SLC9A8: variants seen among roughly 807,000 people sequenced by gnomAD.
The protein encoded by SLC9A8 is solute carrier family 9 member A8.
In SLC9A8, 48 loss-of-function variants were observed where a neutral mutation model predicts 66.6. The observed-to-expected ratio is 0.72, with a 90% CI of 0.57 to 0.92. SLC9A8 has a LOEUF of 0.92. Ranked by LOEUF, SLC9A8 falls within the 40% of genes least tolerant of loss-of-function variation. The pLI is 0.00. For synonymous variants in SLC9A8, 274 were observed against 282.6 expected (o/e 0.97, Z 0.31); for missense variants, 599 against 747.3 (o/e 0.80, Z 2.31).
chr20:49,830,236 G>C (rs1440674101), intron 3 of SLC9A8: 1 of 919,066 alleles, frequency 1.1e-6, no homozygotes, highest in Non-Finnish European at 1.8e-6. Context: ...AAAAAGATGG[G>C]ATTTGGGGGC....
At position 49,821,879 on chromosome 20, in the gene SLC9A8, C is replaced by A. The variant is rs6067238; in HGVS notation, c.209-1182C>A. Among the ~76,000 whole-genome samples, 7 of 152,032 alleles carry A rather than the reference C, an allele frequency of 4.6e-5. No individual in the cohort carries two copies. In the East Asian group the frequency reaches 1.4e-3, roughly 29 times the overall value. On this transcript the variant is annotated intron_variant, in intron 2 of 15. Transcript: ENST00000361573. ...TCTGTGAGGAAAGTTAGACATTATT[C>A]TGTTTTGGAGATTGAGGAATGAAGG...
chr20:49,831,427 CTCTCTG>C (rs1238412718), intron 3 of SLC9A8, among the ~76,000 whole-genome samples: 183 of 145,114 alleles, frequency 1.3e-3, no homozygotes, highest in Non-Finnish European at 1.5e-3. Flanking sequence ...CTCTCTCTCT[CTCTCTG>C]TCTCTCTCTC....
At chr20:49,864,935 C>G (rs1018307732) in intron 10 of SLC9A8, 91 bp downstream of exon 10, 38 of 819,420 alleles carry the variant, frequency 4.6e-5, no homozygotes, top group Non-Finnish European at 7.7e-5. Flanking sequence ...CTTTTAGTCA[C>G]AAGAGACAGT....
intron 3 of SLC9A8, among the ~76,000 whole-genome samples, chr20:49,837,690 C>G (rs1001730031): frequency 2.4e-4 from 37 of 152,114 alleles, no homozygotes; most frequent in African/African-American, 8.7e-4. Context: ...CTGCCTCAGC[C>G]TCCTGAATAG....
intron 11 of SLC9A8, among the ~76,000 whole-genome samples, chr20:49,875,624 A>T (rs2089395241): frequency 6.6e-6 from 1 of 152,076 alleles, no homozygotes; most frequent in Non-Finnish European, 1.5e-5. Context: ...CCAACTTTAT[A>T]CTTGGAAGTG....
Position 49,849,608 on chromosome 20 carries a change from C to T in SLC9A8, c.462C>T (p.Ile154=), listed in dbSNP as rs1298123569. 4 of 1,613,692 alleles carry T rather than the reference C, an allele frequency of 2.5e-6. No homozygotes were observed. The highest frequency in any genetic ancestry group is 1.1e-5 in the South Asian group (1 of 91,072). Residue 154 remains isoleucine, a synonymous_variant, in exon 6 of 16, where the codon ATC becomes ATT. Coordinates refer to ENST00000361573, the MANE Select transcript of SLC9A8 (RefSeq NM_015266.3). ...KGNFFQNIGS[I]TLFAVFGTAI... ...ACTTCTTTCAAAATATTGGTTCCAT[C>T]ACCCTGTTTGCTGTTTTTGGGACGG...
intron 2 of SLC9A8, 145 bp from the exon 3 acceptor site, chr20:49,822,916 A>G (rs1188443041): frequency 7.6e-6 from 5 of 658,066 alleles, no homozygotes; most frequent in Non-Finnish European, 1.3e-5. Flanking sequence ...TGAGACACGA[A>G]AAACACCGCT....
intron 8 of SLC9A8, among the ~76,000 whole-genome samples, chr20:49,856,595 G>T (rs1235169178): frequency 6.6e-6 from 1 of 152,206 alleles, no homozygotes; most frequent in African/African-American, 2.4e-5. Flanking sequence ...GCCAAGGCGG[G>T]TGGATCACCT....
In SLC9A8 at chr20:49,889,763, C is replaced by T. The variant is rs983028752; in HGVS notation, c.*1827C>T. On this transcript the variant is annotated 3_prime_UTR_variant, in exon 16 of 16. Coordinates refer to ENST00000361573, the MANE Select transcript of SLC9A8 (RefSeq NM_015266.3). The stretch of plus-strand genomic sequence containing the variant: ...GTAGGGACCTTTGCCTGCCCCTGGG[C>T]GAGTGCGGGCAGGGATCTGAGACCA... The T allele has an allele frequency of 9.2e-5, 14 of 152,096 alleles. No homozygotes were observed. Among genetic ancestry groups the T allele is most frequent in the Admixed American group, 2.6e-4 (4 of 15,268 alleles). The allele number at this position is 152,096 out of a possible 1,614,324, so 9.4% of individuals were successfully genotyped here.
intron 2 of SLC9A8, among the ~76,000 whole-genome samples, chr20:49,821,172 C>T (rs561718959): frequency 6.6e-6 from 1 of 152,286 alleles, no homozygotes; most frequent in East Asian, 1.9e-4. Flanking sequence ...ATAGTTTCCC[C>T]TTTTGCTCTT....
chr20:49,830,112 ATC>A (rs1449824537), intron 3 of SLC9A8: 14 of 744,174 alleles, frequency 1.9e-5, no homozygotes, highest in Admixed American at 5.2e-5. Context: ...CAAACAAGCC[ATC>A]TCTGTCTGTT....
intron 4 of SLC9A8, 77 bp downstream of exon 4, chr20:49,839,676 T>G: frequency 1.1e-6 from 1 of 876,156 alleles, no homozygotes; most frequent in Non-Finnish European, 1.8e-6. Flanking sequence ...TACTTGGCTA[T>G]CAGTGGAGTT....
intron 3 of SLC9A8, among the ~76,000 whole-genome samples, chr20:49,832,549 G>T (rs534476707): frequency 6.6e-6 from 1 of 152,174 alleles, no homozygotes; most frequent in African/African-American, 2.4e-5. Context: ...AGCACTTATG[G>T]TGGAATGTAT....
intron 8 of SLC9A8, among the ~76,000 whole-genome samples, chr20:49,861,928 A>G (rs2088756557): frequency 6.6e-6 from 1 of 152,076 alleles, no homozygotes; most frequent in East Asian, 1.9e-4. Context: ...CTGACTTGCC[A>G]TAGCCTCAAT....
intron 11 of SLC9A8, 23 bp downstream of exon 11, chr20:49,874,844 C>T (rs926876707): frequency 7.5e-6 from 11 of 1,473,964 alleles, no homozygotes; most frequent in East Asian, 6.8e-5. Flanking sequence ...TCTGTGTGGC[C>T]GTGAGCAGGC....
intron 4 of SLC9A8, 31 bp downstream of exon 4, chr20:49,839,630 T>A: frequency 6.9e-7 from 1 of 1,443,012 alleles, no homozygotes; most frequent in East Asian, 2.3e-5. Context: ...TTCTTAATTT[T>A]AGTAACATTG....
intron 4 of SLC9A8, among the ~76,000 whole-genome samples, chr20:49,844,619 TAAAAAAAAA>T (rs35043669): frequency 5.2e-4 from 55 of 106,046 alleles, no homozygotes; most frequent in Admixed American, 1.4e-3. Context: ...CCCTGTATCT[TAAAAAAAAA>T]AAAAAAAAAA....
chr20:49,830,684 G>A (rs1405584845), intron 3 of SLC9A8: 15 of 665,678 alleles, frequency 2.3e-5, no homozygotes, highest in Admixed American at 1.0e-4. Flanking sequence ...GCTTCCAGGC[G>A]ATAGGGAAGA....
At chr20:49,862,499 G>A (rs2088784355) in intron 8 of SLC9A8, among the ~76,000 whole-genome samples, 1 of 152,158 alleles carries the variant, frequency 6.6e-6, no homozygotes, top group Non-Finnish European at 1.5e-5. Flanking sequence ...GCCCTCAAGT[G>A]ATCTGCTCAC....
Sources: allele counts gnomAD v4.1 joint callset (sites outside exome capture counted in the v4.1 genomes callset), GRCh38; gene constraint gnomAD v4.1.1; transcripts MANE v1.5; gene names NCBI Gene and HGNC (gene_info 2026-07-23, HGNC 2026-07-21).